The following PTPN2 variants were observed in gnomAD, a reference collection of about 807,000 sequenced individuals.
The protein encoded by PTPN2 is protein tyrosine phosphatase non-receptor type 2.
PTPN2 carries 19 observed loss-of-function variants against 57.3 expected under a neutral mutation model. That is an observed-to-expected ratio of 0.33 (90% CI 0.23 to 0.49). The LOEUF (loss-of-function observed/expected upper bound fraction) is 0.49. Ranked by LOEUF, PTPN2 falls within the 20% of genes least tolerant of loss-of-function variation. The pLI, the probability that PTPN2 is intolerant of heterozygous loss-of-function variation, is 0.99. For missense variants in PTPN2, 358 were observed against 501.1 expected, an observed-to-expected ratio of 0.71 and a Z score of 2.73; for synonymous variants, 153 against 164.9, an observed-to-expected ratio of 0.93 and a Z score of 0.55.
intron 2 of PTPN2, among the ~76,000 whole-genome samples, chr18:12,840,254 G>C (rs1251566532): frequency 2.0e-5 from 3 of 152,270 alleles, no homozygotes; most frequent in South Asian, 2.1e-4. Flanking sequence ...GCATTTTCTA[G>C]ATTTGTCAAC....
chr18:12,884,100 A>T lies in PTPN2; in HGVS notation c.42T>A (p.Thr14=), dbSNP rs1444347683. The change falls in exon 1 of 9, where the codon ACT becomes ACA. Residue 14 remains threonine, a synonymous_variant. Coordinates refer to ENST00000309660, the MANE Select transcript of PTPN2 (RefSeq NM_002828.4). ...TIEREFEELD[T]QRRWQPLYLE... ...AGTACAGCGGCTGCCAGCGACGCTG[A>T]GTATCCAACTCTTCGAACTCCCGCT... 6.3e-7 allele frequency: 1 copy of T among 1,586,822 alleles called. No homozygotes were observed. The highest frequency in any genetic ancestry group is 8.6e-7 in the Non-Finnish European group (1 of 1,168,186).
Position 12,829,426 on chromosome 18 carries a change from A to AC in PTPN2, c.360+1516dup, listed in dbSNP as rs370025507. Among the ~76,000 whole-genome samples, 76 of 149,362 alleles carry AC rather than the reference A, an allele frequency of 5.1e-4. No homozygotes were observed. The East Asian group carries it at 0.014, about 27-fold the overall frequency. On this transcript the variant is annotated intron_variant, in intron 4 of 8. Coordinates refer to ENST00000309660, the MANE Select transcript of PTPN2 (RefSeq NM_002828.4). ...AGGCTGAGACGGGAGAATCTCTTGA[A>AC]CCCGGGAAGTGGAGGCTGCAGTGAG...
At chr18:12,790,169 C>T (rs1191193487), downstream of PTPN2, among the ~76,000 whole-genome samples, 1 of 152,158 alleles carries the variant, frequency 6.6e-6, no homozygotes, top group Non-Finnish European at 1.5e-5. Context: ...AGCAATCCTC[C>T]CACCTTGGCC....
At chr18:12,798,780 G>C (rs1320546387) in intron 8 of PTPN2, among the ~76,000 whole-genome samples, 2 of 152,150 alleles carry the variant, frequency 1.3e-5, no homozygotes, top group Admixed American at 1.3e-4. Context: ...CCCAGTAATG[G>C]GATTGCTGGG....
chr18:12,867,722 A>G (rs796955518), intron 1 of PTPN2, among the ~76,000 whole-genome samples: 5 of 152,188 alleles, frequency 3.3e-5, no homozygotes, highest in African/African-American at 1.2e-4. Context: ...CTCTTTCCTG[A>G]GTTCTGAGAG....
chr18:12,812,938 G>A (rs1257989666), intron 7 of PTPN2, among the ~76,000 whole-genome samples: 3 of 151,714 alleles, frequency 2.0e-5, no homozygotes, highest in African/African-American at 7.3e-5. Flanking sequence ...ACAAAAAAGT[G>A]TGTCCAGAAA....
intron 1 of PTPN2, among the ~76,000 whole-genome samples, chr18:12,872,430 C>T (rs927947528): frequency 1.3e-5 from 2 of 152,192 alleles, no homozygotes; most frequent in African/African-American, 2.4e-5. Flanking sequence ...ACTGACAGAG[C>T]AAACGGCATA....
chr18:12,881,306 G>A (rs8084146), intron 1 of PTPN2, among the ~76,000 whole-genome samples: 5,322 of 152,204 alleles, frequency 0.035, 328 homozygotes, highest in African/African-American at 0.12. Context: ...GCATGGTGGT[G>A]TGTGCCTGTA....
Position 12,814,707 on chromosome 18 carries a change from G to A in PTPN2, c.706-352C>T, listed in dbSNP as rs565947640. 7.2e-5 allele frequency among the ~76,000 whole-genome samples: 11 copies of A among 151,952 alleles called. No individual in the cohort carries two copies. The South Asian group carries it at 1.2e-3, about 17-fold the overall frequency. On this transcript the variant is annotated intron_variant, in intron 6 of 8. Coordinates refer to ENST00000309660, the MANE Select transcript of PTPN2 (RefSeq NM_002828.4). ...ACTATTTTTTTTTTTAAAAGTCATG[G>A]CAGGAGTCAACCTTTCTGCTCATTC...
In PTPN2 at chr18:12,805,639, CTTTTTT is replaced by C. The variant is rs755422217; in HGVS notation, c.859-3494_859-3489del. On this transcript the variant is annotated intron_variant, in intron 7 of 8. Transcript: ENST00000309660. ...GGAACAAGACAAAGATGCCTCCTTTCTTTTTTTTTTTTTTTTTTGAGATGGAGTCTT... is the reference window on the plus strand; with the variant it reads ...GGAACAAGACAAAGATGCCTCCTTTCTTTTTTTTTTTTGAGATGGAGTCTT... 5.3e-5 allele frequency among the ~76,000 whole-genome samples: 6 copies of C among 114,160 alleles called. No individual in the cohort carries two copies. The East Asian group carries it at 1.4e-3, about 27-fold the overall frequency. The allele number at this position is 114,160 out of a possible 152,430, so 74.9% of individuals were successfully genotyped here.
At chr18:12,803,457 A>T (rs755250033) in intron 7 of PTPN2, among the ~76,000 whole-genome samples, 8 of 152,142 alleles carry the variant, frequency 5.3e-5, no homozygotes, top group Admixed American at 2.6e-4. Context: ...TGAATGGATG[A>T]AAAAACAAAA....
chr18:12,873,524 G>A (rs371055666), intron 1 of PTPN2, among the ~76,000 whole-genome samples: 41,098 of 151,704 alleles, frequency 0.27, 6,134 homozygotes, highest in South Asian at 0.54. Context: ...TCCTAACCGC[G>A]AGTGATCCGC....
chr18:12,821,677 A>AC (rs1383222865), intron 5 of PTPN2, among the ~76,000 whole-genome samples: 1 of 151,880 alleles, frequency 6.6e-6, no homozygotes, highest in African/African-American at 2.4e-5. Context: ...CATGCCACCC[A>AC]CCCCCACCAA....
At chr18:12,875,668 G>A (rs892237451) in intron 1 of PTPN2, among the ~76,000 whole-genome samples, 12 of 152,168 alleles carry the variant, frequency 7.9e-5, no homozygotes, top group South Asian at 2.1e-4. Context: ...CATACGTAAC[G>A]TTTATTCAAG....
At chr18:12,807,845 T>C (rs2145276763) in intron 7 of PTPN2, among the ~76,000 whole-genome samples, 1 of 151,680 alleles carries the variant, frequency 6.6e-6, no homozygotes, top group Non-Finnish European at 1.5e-5. Context: ...AACAGGGGGA[T>C]GAGTTCTGGT....
downstream of PTPN2, among the ~76,000 whole-genome samples, chr18:12,789,098 CA>C (rs1394425577): frequency 7.9e-5 from 12 of 152,270 alleles, no homozygotes; most frequent in Admixed American, 6.5e-4. Context: ...GGAGTCCACA[CA>C]ATCTGAGCTG....
At chr18:12,796,297 T>C (rs2041182694) in intron 8 of PTPN2, among the ~76,000 whole-genome samples, 2 of 152,188 alleles carry the variant, frequency 1.3e-5, no homozygotes, top group Non-Finnish European at 2.9e-5. Context: ...TAAAATTAGA[T>C]CGTGGTGCCA....
chr18:12,884,163 C>A lies in PTPN2; in HGVS notation c.-22G>T. 1 of 1,565,678 alleles carries A rather than the reference C, an allele frequency of 6.4e-7. No homozygotes were observed. Among genetic ancestry groups the A allele is most frequent in the Admixed American group, 1.9e-5 (1 of 53,682 alleles). ...GCATGGCTGCGGGAGCGAGCTGGCG[C>A]GAGCAGAGCCTGCGCCGGCGGAGAG... On this transcript the variant is annotated 5_prime_UTR_variant, in exon 1 of 9. Coordinates refer to ENST00000309660, the MANE Select transcript of PTPN2 (RefSeq NM_002828.4).
At chr18:12,815,902 A>C (rs191130689) in intron 6 of PTPN2, among the ~76,000 whole-genome samples, 1 of 152,342 alleles carries the variant, frequency 6.6e-6, no homozygotes, top group Admixed American at 6.5e-5. Flanking sequence ...TTGTGCTGGC[A>C]GTCATGGTGG....
Sources: gnomAD v4.1 joint callset for allele counts (sites outside exome capture counted in the v4.1 genomes callset) on GRCh38, gnomAD v4.1.1 for gene constraint, MANE v1.5 for transcripts, NCBI Gene and HGNC (gene_info 2026-07-23, HGNC 2026-07-21) for gene names.